The following SENP5 variants were observed in gnomAD, a reference collection of about 807,000 sequenced individuals.
The protein encoded by SENP5 is sentrin-specific protease 5.
Under a neutral mutation model 74.2 loss-of-function variants are expected in SENP5, and 21 were observed. That is an observed-to-expected ratio of 0.28 (90% CI 0.20 to 0.41). The LOEUF (loss-of-function observed/expected upper bound fraction) is 0.41. SENP5 is among the 10% of genes least tolerant of loss of function. The pLI, the probability that SENP5 is intolerant of heterozygous loss-of-function variation, is 1.00. For synonymous variants in SENP5, 311 were observed against 312.7 expected (o/e 0.99, Z 0.06); for missense variants, 717 against 889.1 (o/e 0.81, Z 2.46).
At chr3:196,887,469 C>T (rs569345483) in intron 2 of SENP5, among the ~76,000 whole-genome samples, 3 of 151,464 alleles carry the variant, frequency 2.0e-5, no homozygotes, top group South Asian at 2.1e-4. Flanking sequence ...CGTGAGACAC[C>T]GTGCCCTGCC....
chr3:196,881,218 A>G (rs994044579), intron 1 of SENP5, among the ~76,000 whole-genome samples: 1 of 152,164 alleles, frequency 6.6e-6, no homozygotes, highest in African/African-American at 2.4e-5. Flanking sequence ...AAAGTGTGAG[A>G]TTGTAGGCTG....
At position 196,933,559 on chromosome 3, in the gene SENP5, G is replaced by GT. The variant is rs1716128266; in HGVS notation, c.*2639dup. 1 of 151,638 alleles carries GT rather than the reference G, an allele frequency of 6.6e-6. No homozygotes were observed. The allele number at this position is 151,638 out of a possible 1,614,324, so 9.4% of individuals were successfully genotyped here. A position where few individuals can be genotyped will look rare whatever the true frequency, so the allele number is the denominator to read the frequency against. On this transcript the variant is annotated 3_prime_UTR_variant, in exon 10 of 10. Transcript: ENST00000323460. The stretch of plus-strand genomic sequence containing the variant: ...GGCAGGCATGGCTTTACTGGTACTA[G>GT]TTTGGCACTGAACTGTTTGGGTGCC...
At position 196,885,420 on chromosome 3, in the gene SENP5, C is replaced by A. The variant is rs749116189; in HGVS notation, c.239C>A (p.Thr80Asn). 3.1e-6 allele frequency: 5 copies of A among 1,614,138 alleles called. No individual in the cohort carries two copies. The South Asian group carries it at 5.5e-5, about 18-fold the overall frequency. ...WIKDEPLCAK[T>N]KFNVATQNVS... The stretch of plus-strand genomic sequence containing the variant: ...AAGGATGAACCCCTTTGTGCTAAGA[C>A]CAAGTTCAATGTGGCTACTCAAAAT... Residue 80 changes from threonine to asparagine, a missense_variant, in exon 2 of 10, where the codon ACC becomes AAC. This residue lies in a region of SENP5 where 567 missense variants were observed against 577.4 expected (regional missense o/e 0.98). Transcript: ENST00000323460.
chr3:196,886,297 T>C lies in SENP5; in HGVS notation c.1116T>C (p.Ile372=). The C allele has an allele frequency of 6.2e-7, 1 of 1,614,102 alleles. No individual in the cohort carries two copies. The highest frequency in any genetic ancestry group is 2.2e-5 in the East Asian group (1 of 44,886). ...CTAAGTGGGAGTGTACAGAGCTGATTCATGACATCCCCTTACCAGAACATC... is the reference window on the plus strand; with the variant it reads ...CTAAGTGGGAGTGTACAGAGCTGATCCATGACATCCCCTTACCAGAACATC... ...SSPKWECTEL[I]HDIPLPEHRS... Residue 372 remains isoleucine, a synonymous_variant, in exon 2 of 10, where the codon ATT becomes ATC. Transcript: ENST00000323460.
At chr3:196,905,060 C>A (rs1334323856) in intron 6 of SENP5, 2 of 152,044 alleles carry the variant, frequency 1.3e-5, no homozygotes, top group Non-Finnish European at 2.9e-5. Flanking sequence ...CCACCGTACC[C>A]GGCTAATTCT....
At position 196,931,730 on chromosome 3, in the gene SENP5, C is replaced by T; in HGVS notation, c.*807C>T. The T allele has an allele frequency of 1.1e-5, 3 of 273,064 alleles. No homozygotes were observed. The highest frequency in any genetic ancestry group is 1.4e-4 in the East Asian group (1 of 7,212). 16.9% of individuals were successfully genotyped at this position (273,064 alleles called of 1,614,324 possible). A position where few individuals can be genotyped will look rare whatever the true frequency, so the allele number is the denominator to read the frequency against. On this transcript the variant is annotated 3_prime_UTR_variant, in exon 10 of 10. Coordinates refer to ENST00000323460, the MANE Select transcript of SENP5 (RefSeq NM_152699.5). Reference sequence around the variant, plus strand: ...GACCTGTTAAAAAAATCTTAACATCCATCAAACTAGTGGTCAAACAAATGA... The same window carrying T: ...GACCTGTTAAAAAAATCTTAACATCTATCAAACTAGTGGTCAAACAAATGA...
In SENP5 at chr3:196,934,639, T is replaced by C. The variant is rs1313389282; in HGVS notation, c.*3716T>C. 1 of 152,240 alleles carries C rather than the reference T, an allele frequency of 6.6e-6. No homozygotes were observed. The highest frequency in any genetic ancestry group is 2.4e-5 in the African/African-American group (1 of 41,474). 9.4% of individuals were successfully genotyped at this position (152,240 alleles called of 1,614,324 possible). On this transcript the variant is annotated 3_prime_UTR_variant, in exon 10 of 10. Transcript: ENST00000323460. ...AGAAAAAGAATTTATTTAGAGATTATGATCATGTAAAATTACAGTACTCAA... is the reference window on the plus strand; with the variant it reads ...AGAAAAAGAATTTATTTAGAGATTACGATCATGTAAAATTACAGTACTCAA...
At chr3:196,903,193 GCAGTGATGTGATCT>G (rs1714767565) in intron 5 of SENP5, among the ~76,000 whole-genome samples, 1 of 152,130 alleles carries the variant, frequency 6.6e-6, no homozygotes, top group African/African-American at 2.4e-5. Flanking sequence ...ATGCTGGAGT[GCAGTGATGTGATCT>G]CAGCTCACTA....
Position 196,899,906 on chromosome 3 carries a change from A to G in SENP5, c.1620-18A>G. 1 of 1,610,438 alleles carries G rather than the reference A, an allele frequency of 6.2e-7. No individual in the cohort carries two copies. Among genetic ancestry groups the G allele is most frequent in the African/African-American group, 1.3e-5 (1 of 74,792 alleles). On this transcript the variant is annotated intron_variant, in intron 3 of 9. Transcript: ENST00000323460. ...TCATGTTTTTTTTACCTTTTGTTTC[A>G]AAATCTTTCTCTTTCAGAAAACCAT...
chr3:196,872,904 C>T (rs978840315), intron 1 of SENP5, among the ~76,000 whole-genome samples: 2 of 152,034 alleles, frequency 1.3e-5, no homozygotes, highest in African/African-American at 4.8e-5. Context: ...GGGTAGGGGA[C>T]AGTTGGCTGG....
intron 2 of SENP5, among the ~76,000 whole-genome samples, chr3:196,888,715 C>T (rs1714082796): frequency 6.6e-6 from 1 of 152,060 alleles, no homozygotes; most frequent in African/African-American, 2.4e-5. Flanking sequence ...TTGTATAGGA[C>T]ATCTGGACAG....
Position 196,885,405 on chromosome 3 carries a change from C to T in SENP5, c.224C>T (p.Pro75Leu), listed in dbSNP as rs11556761. ...CAGAAAACGTGGATCAAGGATGAACCCCTTTGTGCTAAGACCAAGTTCAAT... is the reference window on the plus strand; with the variant it reads ...CAGAAAACGTGGATCAAGGATGAACTCCTTTGTGCTAAGACCAAGTTCAAT... ...QIQKTWIKDE[P>L]LCAKTKFNVA... is the part of the protein sequence containing the mutation. The change falls in exon 2 of 10, where the codon CCC (proline) becomes CTC (leucine). Residue 75 changes from proline (P) to leucine (L), a missense_variant. By Grantham distance (98) the Pro-to-Leu change is moderately conservative. Coordinates refer to ENST00000323460, the MANE Select transcript of SENP5 (RefSeq NM_152699.5). 1 of 1,613,954 alleles carries T rather than the reference C, an allele frequency of 6.2e-7. No homozygotes were observed. Among genetic ancestry groups the T allele is most frequent in the East Asian group, 2.2e-5 (1 of 44,898 alleles).
chr3:196,876,434 C>T (rs969973271), intron 1 of SENP5, among the ~76,000 whole-genome samples: 27 of 150,132 alleles, frequency 1.8e-4, no homozygotes, highest in African/African-American at 6.6e-4. Context: ...AGGAGAATGG[C>T]GTGAACCCGG....
chr3:196,913,500 C>T (rs565787589), intron 6 of SENP5, among the ~76,000 whole-genome samples: 17 of 146,914 alleles, frequency 1.2e-4, no homozygotes, highest in Non-Finnish European at 1.9e-4. Flanking sequence ...ACCCAGGAGG[C>T]GGAGGTTGCA....
At chr3:196,884,607 C>T (rs1004690767) in intron 1 of SENP5, among the ~76,000 whole-genome samples, 1 of 151,380 alleles carries the variant, frequency 6.6e-6, no homozygotes, top group African/African-American at 2.4e-5. Flanking sequence ...AAATGGAGGA[C>T]TGAACACATG....
At chr3:196,890,949 TG>T (rs2108824113) in intron 2 of SENP5, among the ~76,000 whole-genome samples, 1 of 152,276 alleles carries the variant, frequency 6.6e-6, no homozygotes, top group East Asian at 1.9e-4. Context: ...ACATTCCAGA[TG>T]GATTAAAAGT....
At chr3:196,904,857 ATGAGTG>A (rs1231582202) in intron 6 of SENP5, 1 of 152,164 alleles carries the variant, frequency 6.6e-6, no homozygotes, top group East Asian at 1.9e-4. Context: ...AGGAGTGTGT[ATGAGTG>A]TGTGTGTAAA....
At chr3:196,904,288 G>A (rs1714814710) in intron 6 of SENP5, among the ~76,000 whole-genome samples, 1 of 152,210 alleles carries the variant, frequency 6.6e-6, no homozygotes, top group South Asian at 2.1e-4. Context: ...CCTCTTTGAA[G>A]AGATCCCATT....
chr3:196,912,555 C>T (rs1425293451), intron 6 of SENP5: 1 of 149,922 alleles, frequency 6.7e-6, no homozygotes, highest in East Asian at 2.0e-4. Flanking sequence ...GACTCTGTCT[C>T]AATTAAAAAG....
Sources: gnomAD v4.1 joint callset for allele counts (sites outside exome capture counted in the v4.1 genomes callset) on GRCh38, gnomAD v4.1.1 for gene constraint, gnomAD v4.1.1 regional missense constraint, MANE v1.5 for transcripts, NCBI Gene and HGNC (gene_info 2026-07-23, HGNC 2026-07-21) for gene names.